CEP83: variants seen among roughly 807,000 people sequenced by gnomAD.
CEP83 encodes centrosomal protein 83.
In CEP83, 70 loss-of-function variants were observed where a neutral mutation model predicts 101.9. The ratio of observed to expected loss-of-function variants is 0.69; its 90% CI spans 0.57 to 0.84. The LOEUF is 0.84. Ranked by LOEUF, CEP83 falls within the 40% of genes least tolerant of loss-of-function variation. The pLI, the probability that CEP83 is intolerant of heterozygous loss-of-function variation, is 0.00. For missense variants in CEP83, 715 were observed against 787.2 expected (o/e 0.91, Z 1.10); for synonymous variants, 264 against 267.9 (o/e 0.99, Z 0.14).
intron 6 of CEP83, among the ~76,000 whole-genome samples, chr12:94,385,569 G>T (rs942670469): frequency 2.9e-4 from 44 of 152,182 alleles, no homozygotes; most frequent in African/African-American, 1.0e-3. Context: ...CATTTCCTCT[G>T]ATTCTGTCTT....
chr12:94,354,996 G>A (rs188624955), intron 11 of CEP83, among the ~76,000 whole-genome samples: 7 of 147,632 alleles, frequency 4.7e-5, no homozygotes, highest in East Asian at 2.0e-4. Flanking sequence ...GTGAGACTCC[G>A]TCTCAAAAAC....
downstream of CEP83, chr12:94,306,907 A>AGAT (rs907933977): frequency 3.3e-5 from 5 of 152,212 alleles, no homozygotes; most frequent in South Asian, 2.1e-4. Flanking sequence ...ACTACCAAAT[A>AGAT]GATGACAGAT....
chr12:94,313,655 G>A (rs1040611401), intron 14 of CEP83, among the ~76,000 whole-genome samples: 2 of 151,858 alleles, frequency 1.3e-5, no homozygotes, highest in African/African-American at 4.8e-5. Context: ...TGACCAACAT[G>A]GTAAAACCCC....
chr12:94,358,349 A>G (rs58906220), intron 11 of CEP83, among the ~76,000 whole-genome samples: 9,413 of 151,934 alleles, frequency 0.062, 356 homozygotes, highest in Admixed American at 0.09. Context: ...ACGGGACTAG[A>G]AAAAAAAATT....
downstream of CEP83, chr12:94,304,021 T>C (rs1304810960): frequency 6.3e-7 from 1 of 1,579,938 alleles, no homozygotes; most frequent in Non-Finnish European, 8.7e-7. Flanking sequence ...TGACAGAAAT[T>C]TACAAATACA....
intron 1 of CEP83, among the ~76,000 whole-genome samples, chr12:94,448,711 T>C (rs1375111013): frequency 6.6e-6 from 1 of 152,024 alleles, no homozygotes; most frequent in Non-Finnish European, 1.5e-5. Flanking sequence ...AAGGAAAAAT[T>C]TTAAAATATA....
intron 11 of CEP83, among the ~76,000 whole-genome samples, chr12:94,339,332 T>C (rs928496189): frequency 1.3e-5 from 2 of 152,334 alleles, no homozygotes; most frequent in Admixed American, 1.3e-4. Flanking sequence ...ACAGAATGCC[T>C]ACCCTTGAGT....
chr12:94,426,942 TG>T (rs1330444716), intron 2 of CEP83, among the ~76,000 whole-genome samples: 2 of 152,210 alleles, frequency 1.3e-5, no homozygotes, highest in Admixed American at 1.3e-4. Context: ...GCCAACAACT[TG>T]ATTTCTGACT....
At chr12:94,336,050 G>A (rs541720785) in intron 11 of CEP83, among the ~76,000 whole-genome samples, 13 of 152,148 alleles carry the variant, frequency 8.5e-5, no homozygotes, top group African/African-American at 3.1e-4. Context: ...GTTTAGGAGA[G>A]GCCAACTTAC....
At chr12:94,319,851 G>A (rs1242238107) in intron 14 of CEP83, among the ~76,000 whole-genome samples, 5 of 152,196 alleles carry the variant, frequency 3.3e-5, no homozygotes, top group Non-Finnish European at 7.4e-5. Flanking sequence ...GTAGAGTTCT[G>A]TAGAGGTCTA....
At chr12:94,450,125 T>C (rs1336879221) in intron 1 of CEP83, among the ~76,000 whole-genome samples, 1 of 152,202 alleles carries the variant, frequency 6.6e-6, no homozygotes, top group Non-Finnish European at 1.5e-5. Flanking sequence ...AACACTTCTC[T>C]TCAACATCTT....
intron 11 of CEP83, among the ~76,000 whole-genome samples, chr12:94,351,011 T>C (rs1037056860): frequency 1.3e-5 from 2 of 151,432 alleles, no homozygotes; most frequent in African/African-American, 4.9e-5. Flanking sequence ...AGGCCCAAAA[T>C]AACAAGTAAA....
chr12:94,358,901 C>T (rs1230232658), intron 11 of CEP83, among the ~76,000 whole-genome samples: 1 of 152,190 alleles, frequency 6.6e-6, no homozygotes, highest in East Asian at 1.9e-4. Flanking sequence ...TGTAACATGT[C>T]CATAATGGCC....
At chr12:94,275,854 C>CAAAAAAAAAA in the CEP83 span, among the ~76,000 whole-genome samples, 8 of 23,102 alleles carry the variant, frequency 3.5e-4, no homozygotes, top group Non-Finnish European at 4.5e-4. Context: ...GACTCCGTCT[C>CAAAAAAAAAA]AAAAAAAAAA....
At chr12:94,281,969 A>G in the CEP83 span, 5 of 280,150 alleles carry the variant, frequency 1.8e-5, no homozygotes, top group Non-Finnish European at 3.5e-5. Flanking sequence ...CTTTGTGAAC[A>G]TGGGCACACA....
rs116056751 is a variant in CEP83, at chr12:94,450,725, G to A, written c.-155+8832C>T. On this transcript the variant is annotated intron_variant, in intron 1 of 16. Transcript: ENST00000397809. ...AGAGAAATGAAAGATCTAAGTAAATGGAGAGATATTACATGTTCATGGATT... is the reference window on the plus strand; with the variant it reads ...AGAGAAATGAAAGATCTAAGTAAATAGAGAGATATTACATGTTCATGGATT... Among the ~76,000 whole-genome samples the A allele has an allele frequency of 1.3e-3, 197 of 152,292 alleles. 1 individual carries two copies. The highest frequency in any genetic ancestry group is 4.5e-3 in the African/African-American group (189 of 41,558).
chr12:94,279,348 TAC>T, the CEP83 span: 2 of 700,538 alleles, frequency 2.9e-6, no homozygotes, highest in East Asian at 2.7e-5. Context: ...TCTAATGCAA[TAC>T]AGTGTTTGCT....
rs550712161 is a variant in CEP83 at position 94,415,835 on chromosome 12, C to A, written c.-101-3244G>T. Among the ~76,000 whole-genome samples, 12 of 152,074 alleles carry A rather than the reference C, an allele frequency of 7.9e-5. No homozygotes were observed. The South Asian group carries it at 2.5e-3, about 32-fold the overall frequency. ...GTAAGAACACAGATAATTTAAACAACACAATTAACCATGCTGACCTAACTG... is the reference window on the plus strand; with the variant it reads ...GTAAGAACACAGATAATTTAAACAAAACAATTAACCATGCTGACCTAACTG... On this transcript the variant is annotated intron_variant, in intron 2 of 16. Transcript: ENST00000397809.
intron 11 of CEP83, among the ~76,000 whole-genome samples, chr12:94,341,251 T>A (rs1437240264): frequency 2.0e-5 from 3 of 152,140 alleles, no homozygotes; most frequent in Non-Finnish European, 4.4e-5. Context: ...ATATAATTAA[T>A]AAAGGATCTG....
Sources: gnomAD v4.1 joint callset for allele counts (sites outside exome capture counted in the v4.1 genomes callset) on GRCh38, gnomAD v4.1.1 for gene constraint, MANE v1.5 for transcripts, NCBI Gene and HGNC (gene_info 2026-07-23, HGNC 2026-07-21) for gene names.